Variants in SLC35F1 observed in about 807,000 individuals in gnomAD.
SLC35F1 encodes chromosome 6 open reading frame 169.
Under a neutral mutation model 48.7 loss-of-function variants are expected in SLC35F1, and 14 were observed. The ratio of observed to expected loss-of-function variants is 0.29; its 90% CI spans 0.19 to 0.45. SLC35F1 has a LOEUF of 0.45. Ranked by LOEUF, SLC35F1 falls within the 20% of genes least tolerant of loss-of-function variation. The pLI is 1.00. For synonymous variants in SLC35F1, 190 were observed against 202.2 expected, an observed-to-expected ratio of 0.94 and a Z score of 0.51; for missense variants, 404 against 500.0, an observed-to-expected ratio of 0.81 and a Z score of 1.83.
chr6:117,925,617 C>T (rs1776017730), intron 1 of SLC35F1, among the ~76,000 whole-genome samples: 1 of 152,126 alleles, frequency 6.6e-6, no homozygotes, highest in Admixed American at 6.6e-5. Context: ...ATATACACCT[C>T]TTTTACTCTG....
intron 1 of SLC35F1, among the ~76,000 whole-genome samples, chr6:118,146,268 T>C (rs1773971880): frequency 6.6e-6 from 1 of 152,220 alleles, no homozygotes; most frequent in African/African-American, 2.4e-5. Context: ...GAGGACATTA[T>C]GGCTGGTGCT....
intron 3 of SLC35F1, among the ~76,000 whole-genome samples, chr6:118,251,219 C>G (rs559255476): frequency 6.6e-6 from 1 of 152,200 alleles, no homozygotes; most frequent in Admixed American, 6.5e-5. Flanking sequence ...GCCCCAGGTG[C>G]ACTTCAGCCT....
intron 1 of SLC35F1, among the ~76,000 whole-genome samples, chr6:118,135,692 G>A (rs1007482179): frequency 1.3e-5 from 2 of 152,256 alleles, no homozygotes; most frequent in Non-Finnish European, 2.9e-5. Flanking sequence ...TGCCCAGAGA[G>A]TGAAGGGAGG....
chr6:118,074,529 G>A (rs577311732), intron 1 of SLC35F1, among the ~76,000 whole-genome samples: 39 of 152,288 alleles, frequency 2.6e-4, no homozygotes, highest in African/African-American at 9.1e-4. Context: ...TGATGCGGTT[G>A]TATGACATTC....
intron 7 of SLC35F1, among the ~76,000 whole-genome samples, chr6:118,301,064 G>A (rs1157083061): frequency 6.6e-6 from 1 of 152,134 alleles, no homozygotes; most frequent in East Asian, 1.9e-4. Flanking sequence ...GAAAGGACTG[G>A]CTTTATGTTG....
At chr6:118,152,282 A>G (rs1444642288) in intron 1 of SLC35F1, among the ~76,000 whole-genome samples, 1 of 152,224 alleles carries the variant, frequency 6.6e-6, no homozygotes, top group Non-Finnish European at 1.5e-5. Context: ...TGTAAGGCTG[A>G]AAGTGCTTCA....
At chr6:118,072,425 G>A (rs1176843589) in intron 1 of SLC35F1, among the ~76,000 whole-genome samples, 5 of 152,054 alleles carry the variant, frequency 3.3e-5, no homozygotes, top group East Asian at 3.9e-4. Flanking sequence ...TTAGCCAGGC[G>A]TGGTGGCAGG....
intron 1 of SLC35F1, among the ~76,000 whole-genome samples, chr6:118,050,637 G>A (rs1772375450): frequency 6.6e-6 from 1 of 152,036 alleles, no homozygotes; most frequent in African/African-American, 2.4e-5. Flanking sequence ...AGGAGAGTGA[G>A]CACAAGGTCT....
At chr6:118,190,946 C>T (rs1380108302) in intron 2 of SLC35F1, among the ~76,000 whole-genome samples, 3 of 152,280 alleles carry the variant, frequency 2.0e-5, no homozygotes, top group East Asian at 3.9e-4. Flanking sequence ...TATTATTTAG[C>T]ATAACTTTCA....
intron 1 of SLC35F1, among the ~76,000 whole-genome samples, chr6:117,926,780 G>C (rs1017735016): frequency 6.6e-5 from 10 of 152,146 alleles, no homozygotes; most frequent in Non-Finnish European, 1.3e-4. Flanking sequence ...AGTAGCATTG[G>C]AGACACTAAG....
At chr6:118,312,687 G>T (rs557455663) in intron 7 of SLC35F1, among the ~76,000 whole-genome samples, 43 of 152,288 alleles carry the variant, frequency 2.8e-4, no homozygotes, top group African/African-American at 9.9e-4. Context: ...AAACGCTGTA[G>T]CAGGGACGTT....
At chr6:118,253,278 C>G (rs1252068895) in intron 3 of SLC35F1, among the ~76,000 whole-genome samples, 1 of 152,008 alleles carries the variant, frequency 6.6e-6, no homozygotes, top group Non-Finnish European at 1.5e-5. Flanking sequence ...GAATGAAGGG[C>G]AGGGGATGGT....
chr6:117,978,266 T>C (rs1456616724), intron 1 of SLC35F1, among the ~76,000 whole-genome samples: 1 of 152,170 alleles, frequency 6.6e-6, no homozygotes, highest in African/African-American at 2.4e-5. Context: ...AATATTCCTA[T>C]GGAAAATAAC....
At chr6:118,026,158 G>A (rs61019727) in intron 1 of SLC35F1, among the ~76,000 whole-genome samples, 8,075 of 152,214 alleles carry the variant, frequency 0.053, 734 homozygotes, top group African/African-American at 0.19. Flanking sequence ...TGTAGATAAA[G>A]GCTGTGGAAA....
At chr6:118,178,033 T>C (rs1774518011) in intron 2 of SLC35F1, among the ~76,000 whole-genome samples, 1 of 152,116 alleles carries the variant, frequency 6.6e-6, no homozygotes, top group Non-Finnish European at 1.5e-5. Flanking sequence ...TTGGATGTTC[T>C]ACTCCTACAA....
intron 1 of SLC35F1, among the ~76,000 whole-genome samples, chr6:118,021,930 C>T (rs182807667): frequency 5.9e-5 from 9 of 152,096 alleles, no homozygotes; most frequent in East Asian, 5.8e-4. Flanking sequence ...TGAGGTGGTG[C>T]GGAGAGTGGG....
At chr6:118,245,000 T>G (rs954659457) in intron 3 of SLC35F1, among the ~76,000 whole-genome samples, 1 of 152,194 alleles carries the variant, frequency 6.6e-6, no homozygotes, top group African/African-American at 2.4e-5. Context: ...GACACAGGTA[T>G]GGAACACTAA....
At chr6:117,928,883 T>G (rs542214973) in intron 1 of SLC35F1, among the ~76,000 whole-genome samples, 1 of 152,256 alleles carries the variant, frequency 6.6e-6, no homozygotes, top group African/African-American at 2.4e-5. Flanking sequence ...GGCCCAGTTG[T>G]CCCATAGAAT....
At chr6:118,179,949 G>A (rs1393675160) in intron 2 of SLC35F1, among the ~76,000 whole-genome samples, 3 of 152,110 alleles carry the variant, frequency 2.0e-5, no homozygotes, top group African/African-American at 7.2e-5. Flanking sequence ...TGAAATGTTG[G>A]ACCAGAGACC....
Sources: gnomAD v4.1 joint callset for allele counts (sites outside exome capture counted in the v4.1 genomes callset) on GRCh38, gnomAD v4.1.1 for gene constraint, MANE v1.5 for transcripts, NCBI Gene and HGNC (gene_info 2026-07-23, HGNC 2026-07-21) for gene names.